Variants in FAR1 observed in about 807,000 individuals in gnomAD.
FAR1 encodes the protein male sterility domain-containing protein 2.
Under a neutral mutation model 61.1 loss-of-function variants are expected in FAR1, and 22 were observed. The ratio of observed to expected loss-of-function variants is 0.36; its 90% CI spans 0.26 to 0.51. The LOEUF is 0.51. Among genes scored for constraint, FAR1 ranks in the 20% least tolerant of loss-of-function variants. FAR1 has a pLI of 0.95. For missense variants in FAR1, 359 were observed against 626.9 expected (o/e 0.57, Z 4.56); for synonymous variants, 206 against 209.7 (o/e 0.98, Z 0.15).
intron 9 of FAR1, among the ~76,000 whole-genome samples, chr11:13,716,600 T>C (rs1848559719): frequency 6.6e-6 from 1 of 152,154 alleles, no homozygotes; most frequent in South Asian, 2.1e-4. Flanking sequence ...GAATTAGACT[T>C]CTTATATAGC....
intron 1 of FAR1, among the ~76,000 whole-genome samples, chr11:13,670,409 G>C (rs1847985548): frequency 1.3e-5 from 2 of 152,068 alleles, no homozygotes; most frequent in African/African-American, 4.8e-5. Context: ...TCTTGCCTCA[G>C]CCTCTCGAGT....
chr11:13,692,544 TA>T (rs147683861), intron 1 of FAR1, among the ~76,000 whole-genome samples: 5,944 of 152,300 alleles, frequency 0.039, 124 homozygotes, highest in Admixed American at 0.041. Context: ...CACCAACACT[TA>T]TTTTTTTCTG....
At chr11:13,720,469 A>G (rs1158486964) in intron 9 of FAR1, 2 of 152,098 alleles carry the variant, frequency 1.3e-5, no homozygotes, top group Admixed American at 6.6e-5. Context: ...ATTGCCTTAG[A>G]TGCTTGATAA....
chr11:13,722,620 C>T (rs896908483), intron 10 of FAR1, among the ~76,000 whole-genome samples: 6 of 151,846 alleles, frequency 4.0e-5, no homozygotes, highest in Admixed American at 6.6e-5. Context: ...ATTACAGGCA[C>T]ATACCACCAC....
At chr11:13,683,012 TC>T (rs1331336263) in intron 1 of FAR1, among the ~76,000 whole-genome samples, 1 of 152,232 alleles carries the variant, frequency 6.6e-6, no homozygotes, top group East Asian at 1.9e-4. Flanking sequence ...AACGTAACTT[TC>T]TATCTGCTGC....
At chr11:13,682,598 C>A (rs1224432470) in intron 1 of FAR1, among the ~76,000 whole-genome samples, 1 of 152,084 alleles carries the variant, frequency 6.6e-6, no homozygotes, top group African/African-American at 2.4e-5. Context: ...AGTTGATTAT[C>A]CTTTTTACTT....
intron 1 of FAR1, among the ~76,000 whole-genome samples, chr11:13,693,411 GT>G (rs1848275067): frequency 6.6e-6 from 1 of 152,100 alleles, no homozygotes; most frequent in South Asian, 2.1e-4. Flanking sequence ...CTCCACCTTC[GT>G]TTGTGGATGT....
intron 3 of FAR1, among the ~76,000 whole-genome samples, chr11:13,707,019 C>T (rs991987341): frequency 2.6e-5 from 4 of 152,044 alleles, no homozygotes; most frequent in African/African-American, 9.7e-5. Context: ...TCAAAAAAAT[C>T]GTATGTATTC....
At chr11:13,692,992 G>A (rs1385090047) in intron 1 of FAR1, among the ~76,000 whole-genome samples, 1 of 152,070 alleles carries the variant, frequency 6.6e-6, no homozygotes, top group African/African-American at 2.4e-5. Flanking sequence ...GTTGGTTTTG[G>A]TAGCTGATAG....
At position 13,731,266 on chromosome 11, in the gene FAR1, A is replaced by G. The variant is rs1848722572; in HGVS notation, c.*2492A>G. Reference sequence around the variant, plus strand: ...GCTTGGCAGTACGTTCTTTGACTTAAGGATGGCATAAAATAATCATTTTTG... The same window carrying G: ...GCTTGGCAGTACGTTCTTTGACTTAGGGATGGCATAAAATAATCATTTTTG... On this transcript the variant is annotated 3_prime_UTR_variant, in exon 12 of 12. Coordinates refer to ENST00000354817, the MANE Select transcript of FAR1 (RefSeq NM_032228.6). The G allele has an allele frequency of 6.6e-6, 1 of 152,622 alleles. No homozygotes were observed. Among genetic ancestry groups the G allele is most frequent in the African/African-American group, 2.4e-5 (1 of 41,460 alleles). The allele number at this position is 152,622 out of a possible 1,614,324, so 9.5% of individuals were successfully genotyped here. A position where few individuals can be genotyped will look rare whatever the true frequency, so the allele number is the denominator to read the frequency against.
chr11:13,705,269 G>A (rs1848419943), intron 3 of FAR1, among the ~76,000 whole-genome samples: 1 of 151,946 alleles, frequency 6.6e-6, no homozygotes, highest in Admixed American at 6.6e-5. Context: ...ACATGTCAGA[G>A]TCTCAGTCTG....
intron 10 of FAR1, among the ~76,000 whole-genome samples, chr11:13,726,592 ACT>A (rs1486884968): frequency 6.7e-6 from 1 of 148,722 alleles, no homozygotes; most frequent in Non-Finnish European, 1.5e-5. Context: ...CCTTTTTCTG[ACT>A]CTCATATGCC....
At chr11:13,723,411 T>G (rs12420123) in intron 10 of FAR1, 67,314 of 410,010 alleles carry the variant, frequency 0.16, 6,369 homozygotes, top group South Asian at 0.24. Flanking sequence ...TTTATTTATA[T>G]TCTGTCTTAC....
intron 1 of FAR1, among the ~76,000 whole-genome samples, chr11:13,682,575 A>C (rs1848139993): frequency 6.6e-6 from 1 of 152,044 alleles, no homozygotes; most frequent in Non-Finnish European, 1.5e-5. Flanking sequence ...CCTGGTTTAG[A>C]CTGTTTCTTA....
intron 1 of FAR1, among the ~76,000 whole-genome samples, chr11:13,690,483 G>GT (rs1848237614): frequency 6.6e-6 from 1 of 152,080 alleles, no homozygotes; most frequent in South Asian, 2.1e-4. Flanking sequence ...CTGTAATCTT[G>GT]TAGAAGCATA....
At chr11:13,724,104 G>A (rs957052498) in intron 10 of FAR1, among the ~76,000 whole-genome samples, 1 of 152,008 alleles carries the variant, frequency 6.6e-6, no homozygotes, top group African/African-American at 2.4e-5. Context: ...TTTTTTTGAA[G>A]CCGGGATTGA....
chr11:13,726,648 TTG>T (rs1591274173), intron 10 of FAR1, among the ~76,000 whole-genome samples: 1 of 151,752 alleles, frequency 6.6e-6, no homozygotes, highest in Non-Finnish European at 1.5e-5. Context: ...GGAGTTGTAT[TTG>T]TGTTTTGAAT....
At position 13,729,484 on chromosome 11, in the gene FAR1, GA is replaced by G. The variant is rs1848701128; in HGVS notation, c.*713del. The G allele has an allele frequency of 6.6e-6, 1 of 151,922 alleles. No individual in the cohort carries two copies. Among genetic ancestry groups the G allele is most frequent in the African/African-American group, 2.4e-5 (1 of 41,432 alleles). 9.4% of individuals were successfully genotyped at this position (151,922 alleles called of 1,614,324 possible). On this transcript the variant is annotated 3_prime_UTR_variant, in exon 12 of 12. Transcript: ENST00000354817. ...TCAGCAACATACGTGTTTTTTGACA[GA>G]AAGTGAAAACAAATTCCGTAAAACT...
In FAR1 at chr11:13,729,223, GTT is replaced by G. The variant is rs1195690383; in HGVS notation, c.*455_*456del. 6.6e-6 allele frequency: 1 copy of G among 152,208 alleles called. No homozygotes were observed. Among genetic ancestry groups the G allele is most frequent in the African/African-American group, 2.4e-5 (1 of 41,332 alleles). The allele number at this position is 152,208 out of a possible 1,614,324, so 9.4% of individuals were successfully genotyped here. ...GTAGATATTTGATTCTTCATTTTTT[GTT>G]TTTTTCATTAGTTGAAGTGGGTTTT... On this transcript the variant is annotated 3_prime_UTR_variant, in exon 12 of 12. Transcript: ENST00000354817.
Sources: allele counts gnomAD v4.1 joint callset (sites outside exome capture counted in the v4.1 genomes callset), GRCh38; gene constraint gnomAD v4.1.1; transcripts MANE v1.5; gene names NCBI Gene and HGNC (gene_info 2026-07-23, HGNC 2026-07-21).